Variants in MAJIN observed in about 807,000 individuals in gnomAD.
The protein encoded by MAJIN is membrane-anchored junction protein.
A neutral mutation model predicts 30.2 loss-of-function variants in MAJIN; 27 were observed. The ratio of observed to expected loss-of-function variants is 0.89; its 90% CI spans 0.66 to 1.23. The LOEUF (loss-of-function observed/expected upper bound fraction) is 1.23, where lower values mean the gene tolerates loss of function less well. Ranked by LOEUF, MAJIN falls within the 50% of genes most tolerant of loss-of-function variation. MAJIN has a pLI of 0.00. For missense variants in MAJIN, 253 were observed against 260.3 expected (o/e 0.97, Z 0.19); for synonymous variants, 78 against 91.6 (o/e 0.85, Z 0.85).
At chr11:64,944,251 CG>C (rs1249283615) in intron 8 of MAJIN, among the ~76,000 whole-genome samples, 2 of 152,214 alleles carry the variant, frequency 1.3e-5, no homozygotes, top group Non-Finnish European at 2.9e-5. Context: ...ACAGTCCATT[CG>C]GACTTCTCCA....
At chr11:64,952,188 C>CA in intron 4 of MAJIN, among the ~76,000 whole-genome samples, 1 of 149,892 alleles carries the variant, frequency 6.7e-6, no homozygotes, top group South Asian at 2.1e-4. Context: ...CACGCCCGGC[C>CA]TTTTTTTTTG....
intron 3 of MAJIN, among the ~76,000 whole-genome samples, chr11:64,957,235 T>TG (rs1010259296): frequency 3.3e-5 from 5 of 151,848 alleles, no homozygotes; most frequent in Admixed American, 2.6e-4. Flanking sequence ...CAAACCACCA[T>TG]GTCCAGCTAA....
At chr11:64,958,598 GAA>G (rs202169389) in intron 3 of MAJIN, among the ~76,000 whole-genome samples, 15 of 102,550 alleles carry the variant, frequency 1.5e-4, no homozygotes, top group African/African-American at 5.4e-4. Context: ...TGTCTTGGGA[GAA>G]AAAAAAAAAA....
chr11:64,959,390 AG>A lies in MAJIN; in HGVS notation c.15del (p.Phe6LeufsTer33). 6.2e-7 allele frequency: 1 copy of A among 1,613,838 alleles called. No individual in the cohort carries two copies. The highest frequency in any genetic ancestry group is 8.5e-7 in the Non-Finnish European group (1 of 1,179,716). ...CTCGTCTCTGGAAACGGGTAGGTAAAGGGTTTTAAACTCATTGCTCCCAAAC... is the reference window on the plus strand; with the variant it reads ...CTCGTCTCTGGAAACGGGTAGGTAAAGGTTTTAAACTCATTGCTCCCAAAC... MSLKPFTYPFPETRF... is the reference protein window; with the variant it reads MSLKXFTYPFPETRF... On this transcript the variant is annotated frameshift_variant, in exon 3 of 11. Coordinates refer to ENST00000301896, the MANE Select transcript of MAJIN (RefSeq NM_001037225.3). LOFTEE classifies it high-confidence loss of function.
At chr11:64,952,394 G>A (rs1323648086) in intron 4 of MAJIN, among the ~76,000 whole-genome samples, 1 of 151,724 alleles carries the variant, frequency 6.6e-6, no homozygotes, top group African/African-American at 2.4e-5. Context: ...CACTATGTTG[G>A]CCAGGCTGGT....
chr11:64,959,548 A>G (rs1351930550), intron 2 of MAJIN, 126 bp from the exon 3 acceptor site: 20 of 652,156 alleles, frequency 3.1e-5, no homozygotes, highest in Non-Finnish European at 5.0e-5. Context: ...ACTACTGCCT[A>G]CGTACCAGGA....
At chr11:64,962,166 G>A (rs1330642728) in intron 1 of MAJIN, among the ~76,000 whole-genome samples, 1 of 152,194 alleles carries the variant, frequency 6.6e-6, no homozygotes, top group Non-Finnish European at 1.5e-5. Context: ...CAAAGGAAAT[G>A]AAGGACATTT....
At chr11:64,939,092 C>CTAATT (rs534665757) in intron 10 of MAJIN, among the ~76,000 whole-genome samples, 3 of 152,066 alleles carry the variant, frequency 2.0e-5, no homozygotes, top group Non-Finnish European at 4.4e-5. Flanking sequence ...CCACATCCGG[C>CTAATT]TAATTTTATT....
chr11:64,960,061 G>A (rs2136796686), intron 2 of MAJIN, 28 bp downstream of exon 2: 1 of 152,318 alleles, frequency 6.6e-6, no homozygotes, highest in East Asian at 1.9e-4. Flanking sequence ...TGTGTTCCAA[G>A]AGTGCCTACT....
intron 3 of MAJIN, among the ~76,000 whole-genome samples, chr11:64,955,619 G>A (rs1362246150): frequency 6.6e-6 from 1 of 152,134 alleles, no homozygotes; most frequent in East Asian, 1.9e-4. Flanking sequence ...TCAACTCAAG[G>A]AAAAGAACTG....
At chr11:64,971,413 G>C (rs1362209046) in intron 1 of MAJIN, among the ~76,000 whole-genome samples, 1 of 129,474 alleles carries the variant, frequency 7.7e-6, no homozygotes, top group Non-Finnish European at 1.6e-5. Flanking sequence ...GGGCGACAGA[G>C]CGAGACCCCG....
intron 8 of MAJIN, chr11:64,946,028 C>T: frequency 7.0e-7 from 1 of 1,420,250 alleles, no homozygotes; most frequent in Non-Finnish European, 9.3e-7. Flanking sequence ...TGTAACAGAA[C>T]AGGAATAGCT....
intron 1 of MAJIN, among the ~76,000 whole-genome samples, chr11:64,966,869 G>A (rs1945818746): frequency 6.6e-6 from 1 of 151,456 alleles, no homozygotes; most frequent in Non-Finnish European, 1.5e-5. Context: ...GGGAGATGGA[G>A]GTTGTAGTGA....
At chr11:64,966,486 G>A (rs189016842) in intron 1 of MAJIN, among the ~76,000 whole-genome samples, 12 of 152,226 alleles carry the variant, frequency 7.9e-5, no homozygotes, top group Non-Finnish European at 5.9e-5. Flanking sequence ...AGTGAGCCAA[G>A]ATTCTACCAC....
intron 3 of MAJIN, among the ~76,000 whole-genome samples, chr11:64,958,184 A>ACCCCC (rs36084476): frequency 2.6e-4 from 39 of 148,884 alleles, no homozygotes; most frequent in African/African-American, 9.8e-4. Flanking sequence ...CTCATGATTC[A>ACCCCC]CCCCCCCGCC....
intron 6 of MAJIN, 90 bp from the exon 7 acceptor site, chr11:64,947,909 G>GA: frequency 1.6e-5 from 20 of 1,216,160 alleles, no homozygotes; most frequent in Non-Finnish European, 2.3e-5. Flanking sequence ...ACCCAGACTG[G>GA]AGTGCAGTGG....
chr11:64,942,775 G>A (rs1423681794), intron 8 of MAJIN, among the ~76,000 whole-genome samples: 1 of 152,212 alleles, frequency 6.6e-6, no homozygotes, highest in Non-Finnish European at 1.5e-5. Flanking sequence ...ATAGAGAGTG[G>A]AGATGGAATT....
intron 1 of MAJIN, among the ~76,000 whole-genome samples, chr11:64,962,512 T>C (rs1945743476): frequency 6.6e-6 from 1 of 152,140 alleles, no homozygotes; most frequent in Non-Finnish European, 1.5e-5. Context: ...CATTTTTAGG[T>C]GACCACAAAT....
At chr11:64,947,257 T>C (rs762912885) in intron 8 of MAJIN, 117 bp downstream of exon 8, 7 of 762,024 alleles carry the variant, frequency 9.2e-6, no homozygotes, top group Non-Finnish European at 1.4e-5. Flanking sequence ...AATAGGCAGA[T>C]ACTGATGAAG....
Sources: allele counts gnomAD v4.1 joint callset (sites outside exome capture counted in the v4.1 genomes callset), GRCh38; gene constraint gnomAD v4.1.1; transcripts MANE v1.5; gene names NCBI Gene and HGNC (gene_info 2026-07-23, HGNC 2026-07-21).